CERS6: variants seen among roughly 807,000 people sequenced by gnomAD.
CERS6 encodes LAG1 homolog, ceramide synthase 6.
A neutral mutation model predicts 56.8 loss-of-function variants in CERS6; 26 were observed. The ratio of observed to expected loss-of-function variants is 0.46; its 90% CI spans 0.34 to 0.63. CERS6 has a LOEUF of 0.63. Among genes scored for constraint, CERS6 ranks in the 30% least tolerant of loss-of-function variants. The probability of loss-of-function intolerance (pLI) is 0.01; values close to 1 mark genes in which losing one functional copy is unlikely to be tolerated. For synonymous variants in CERS6, 164 were observed against 173.3 expected (o/e 0.95, Z 0.42); for missense variants, 415 against 467.5 (o/e 0.89, Z 1.04).
chr2:168,667,375 C>T (rs1177215326), intron 4 of CERS6, among the ~76,000 whole-genome samples: 1 of 152,208 alleles, frequency 6.6e-6, no homozygotes, highest in Non-Finnish European at 1.5e-5. Flanking sequence ...TAGTGCTTTT[C>T]TTTATCCACC....
intron 4 of CERS6, among the ~76,000 whole-genome samples, chr2:168,661,735 G>A (rs182528374): frequency 6.6e-6 from 1 of 152,234 alleles, no homozygotes; most frequent in East Asian, 1.9e-4. Context: ...AGGATCCCTG[G>A]GGAGAGCCAG....
intron 1 of CERS6, among the ~76,000 whole-genome samples, chr2:168,527,723 G>A (rs985330251): frequency 3.9e-5 from 6 of 151,938 alleles, no homozygotes; most frequent in Non-Finnish European, 5.9e-5. Context: ...GGGCCCCCCC[G>A]CCATCCATTT....
intron 1 of CERS6, among the ~76,000 whole-genome samples, chr2:168,540,154 G>GT (rs111622153): frequency 0.012 from 1,677 of 144,928 alleles, 12 homozygotes; most frequent in African/African-American, 0.031. Flanking sequence ...TTGGCTGACA[G>GT]TTTTTTTTTT....
intron 4 of CERS6, among the ~76,000 whole-genome samples, chr2:168,633,162 C>CTTT (rs569052274): frequency 2.2e-5 from 3 of 139,056 alleles, no homozygotes; most frequent in East Asian, 4.1e-4. Context: ...ATAACAAATG[C>CTTT]TTTTTTTTTT....
chr2:168,606,355 T>C (rs541862576), intron 3 of CERS6: 2 of 152,396 alleles, frequency 1.3e-5, no homozygotes, highest in Admixed American at 1.3e-4. Context: ...CATTGTATCT[T>C]GGAAGTAACT....
chr2:168,598,983 G>C (rs1476624739), intron 3 of CERS6, among the ~76,000 whole-genome samples: 1 of 152,172 alleles, frequency 6.6e-6, no homozygotes, highest in Non-Finnish European at 1.5e-5. Context: ...GGTAATAACA[G>C]CACTTGACAT....
chr2:168,587,089 G>A (rs1223639371), intron 3 of CERS6, among the ~76,000 whole-genome samples: 2 of 152,122 alleles, frequency 1.3e-5, no homozygotes, highest in Non-Finnish European at 2.9e-5. Flanking sequence ...TGAGGCATGA[G>A]AGTCCCTTGA....
intron 1 of CERS6, among the ~76,000 whole-genome samples, chr2:168,523,360 T>C (rs1281633458): frequency 2.0e-5 from 3 of 152,206 alleles, no homozygotes. Context: ...TAAACTTCTC[T>C]ACACCTGCTA....
chr2:168,577,118 A>G (rs1683294359), intron 3 of CERS6, among the ~76,000 whole-genome samples: 1 of 152,160 alleles, frequency 6.6e-6, no homozygotes, highest in South Asian at 2.1e-4. Context: ...TAGTGTGTAA[A>G]GCCTCGAGAC....
rs543171917 is a variant in CERS6, at chr2:168,719,114, G to C, written c.845+1136G>C. 2.0e-5 allele frequency among the ~76,000 whole-genome samples: 3 copies of C among 152,276 alleles called. No homozygotes were observed. The East Asian group carries it at 5.8e-4, about 29-fold the overall frequency. On this transcript the variant is annotated intron_variant, in intron 8 of 9. Coordinates refer to ENST00000305747, the MANE Select transcript of CERS6 (RefSeq NM_203463.3). ...TGTGTGTATTTAGTGAAAATTTACT[G>C]GTCATTTGCTGCATTACCAGCACTG... is the stretch of plus-strand genomic sequence containing the variant.
intron 6 of CERS6, among the ~76,000 whole-genome samples, chr2:168,711,067 T>C (rs1413365270): frequency 6.6e-6 from 1 of 152,224 alleles, no homozygotes; most frequent in East Asian, 1.9e-4. Flanking sequence ...TTTCTTAAAT[T>C]ATCTGACCTC....
At chr2:168,668,444 C>CT (rs71397660) in intron 4 of CERS6, among the ~76,000 whole-genome samples, 94,589 of 132,240 alleles carry the variant, frequency 0.72, 34,729 homozygotes, top group African/African-American at 0.76. Flanking sequence ...CCAACTCTAT[C>CT]TTTTTTTTTT....
At chr2:168,765,555 A>G (rs182252148) in intron 8 of CERS6, 37 bp from the exon 9 acceptor site, 1 of 1,603,136 alleles carries the variant, frequency 6.2e-7, no homozygotes, top group Admixed American at 1.7e-5. Context: ...GCAAAGGAAA[A>G]TGCCACATTC....
intron 4 of CERS6, among the ~76,000 whole-genome samples, chr2:168,673,348 G>A (rs1685970857): frequency 6.6e-6 from 1 of 151,924 alleles, no homozygotes. Flanking sequence ...TTTAATAAAA[G>A]TGGCTTAATA....
intron 8 of CERS6, among the ~76,000 whole-genome samples, chr2:168,736,416 TC>T (rs1056693145): frequency 6.6e-6 from 1 of 152,120 alleles, no homozygotes; most frequent in African/African-American, 2.4e-5. Flanking sequence ...AGCCTCAAAC[TC>T]CTGGGCTCAA....
intron 8 of CERS6, among the ~76,000 whole-genome samples, chr2:168,756,612 C>T (rs1684422640): frequency 1.3e-5 from 2 of 152,174 alleles, no homozygotes; most frequent in Non-Finnish European, 2.9e-5. Flanking sequence ...AGGGATAACA[C>T]ATTGCAGGGA....
chr2:168,641,577 C>T (rs1685048360), intron 4 of CERS6, among the ~76,000 whole-genome samples: 2 of 152,274 alleles, frequency 1.3e-5, no homozygotes, highest in East Asian at 1.9e-4. Context: ...CTTTGTGGAT[C>T]CCCTCACCAT....
chr2:168,647,869 T>C lies in CERS6; in HGVS notation c.465+16827T>C, dbSNP rs115486116. ...CATCCCGGGGATGAAGCCTACTTGATCATGATGGATTAGCGTTTTGAGGTG... is the reference window on the plus strand; with the variant it reads ...CATCCCGGGGATGAAGCCTACTTGACCATGATGGATTAGCGTTTTGAGGTG... On this transcript the variant is annotated intron_variant, in intron 4 of 9. Coordinates refer to ENST00000305747, the MANE Select transcript of CERS6 (RefSeq NM_203463.3). 4.5e-3 allele frequency among the ~76,000 whole-genome samples: 684 copies of C among 152,314 alleles called. 2 individuals are homozygous for C. Among genetic ancestry groups the C allele is most frequent in the African/African-American group, 0.015 (644 of 41,570 alleles).
chr2:168,604,026 T>A (rs917587729), intron 3 of CERS6, among the ~76,000 whole-genome samples: 1 of 152,224 alleles, frequency 6.6e-6, no homozygotes, highest in African/African-American at 2.4e-5. Context: ...TGGAGAACTG[T>A]TATTAGATAT....
Sources: gnomAD v4.1 joint callset for allele counts (sites outside exome capture counted in the v4.1 genomes callset) on GRCh38, gnomAD v4.1.1 for gene constraint, MANE v1.5 for transcripts, NCBI Gene and HGNC (gene_info 2026-07-23, HGNC 2026-07-21) for gene names.